The following TTC7B variants were observed in gnomAD, a reference collection of about 807,000 sequenced individuals.
TTC7B encodes the protein tetratricopeptide repeat protein 7B.
TTC7B carries 28 observed loss-of-function variants against 106.8 expected under a neutral mutation model. The ratio of observed to expected loss-of-function variants is 0.26; its 90% confidence interval spans 0.19 to 0.36. TTC7B has a LOEUF of 0.36. Ranked by LOEUF, TTC7B falls within the 10% of genes least tolerant of loss-of-function variation. The pLI is 1.00. For missense variants in TTC7B, 862 were observed against 1,076.4 expected, an observed-to-expected ratio of 0.80 and a Z score of 2.79; for synonymous variants, 405 against 430.6, an observed-to-expected ratio of 0.94 and a Z score of 0.74.
chr14:90,648,755 G>T (rs1341083847), intron 13 of TTC7B: 1 of 151,970 alleles, frequency 6.6e-6, no homozygotes, highest in Non-Finnish European at 1.5e-5. Flanking sequence ...ATTTTTCTTT[G>T]GTGTTTATAA....
intron 19 of TTC7B, among the ~76,000 whole-genome samples, chr14:90,543,688 G>A (rs565292266): frequency 1.5e-4 from 23 of 152,348 alleles, no homozygotes; most frequent in African/African-American, 5.5e-4. Context: ...TGGAGAGTGT[G>A]GAGAAGCCTG....
At position 90,602,951 on chromosome 14, in the gene TTC7B, C is replaced by T. The variant is rs140421648; in HGVS notation, c.1966+7791G>A. 3.6e-3 allele frequency among the ~76,000 whole-genome samples: 546 copies of T among 152,324 alleles called. 2 individuals are homozygous for T. Among genetic ancestry groups the T allele is most frequent in the African/African-American group, 0.012 (516 of 41,572 alleles). On this transcript the variant is annotated intron_variant, in intron 17 of 19. Coordinates refer to ENST00000328459, the MANE Select transcript of TTC7B (RefSeq NM_001010854.2). ...GGGCATCTCATGCTTCCAATCAGTG[C>T]CAGGAGTGCTTCTCACCACCCACTG...
intron 15 of TTC7B, among the ~76,000 whole-genome samples, chr14:90,618,619 G>GTT (rs1893184412): frequency 6.6e-6 from 1 of 152,206 alleles, no homozygotes; most frequent in African/African-American, 2.4e-5. Flanking sequence ...TCTCTCTTCT[G>GTT]TATTTTTGTT....
intron 5 of TTC7B, among the ~76,000 whole-genome samples, chr14:90,722,534 G>A (rs1285064459): frequency 3.3e-5 from 5 of 152,056 alleles, no homozygotes; most frequent in African/African-American, 9.7e-5. Flanking sequence ...TTCTGCCATC[G>A]GTCCTTCCAG....
Position 90,777,746 on chromosome 14 carries a change from C to A in TTC7B, c.445+2992G>T, listed in dbSNP as rs142673020. 3.1e-4 allele frequency among the ~76,000 whole-genome samples: 47 copies of A among 152,288 alleles called. 1 individual carries two copies. In the East Asian group the frequency reaches 8.9e-3, roughly 29 times the overall value. On this transcript the variant is annotated intron_variant, in intron 3 of 19. Transcript: ENST00000328459. ...TCCTACACAGAGCTAGGACTGAGGG[C>A]CTCTTGAACTCCTCAGAGAGCAGGC...
chr14:90,545,661 A>G (rs1256057562), intron 19 of TTC7B, among the ~76,000 whole-genome samples: 2 of 152,168 alleles, frequency 1.3e-5, no homozygotes, highest in Non-Finnish European at 2.9e-5. Flanking sequence ...TGGAGTGGGG[A>G]GAACCCACCA....
intron 3 of TTC7B, among the ~76,000 whole-genome samples, chr14:90,767,624 G>C (rs1029165277): frequency 4.6e-5 from 7 of 152,174 alleles, no homozygotes; most frequent in African/African-American, 1.7e-4. Flanking sequence ...GGCCTTCCTA[G>C]CCTCCAGGAA....
At chr14:90,741,418 G>T (rs1199414694) in intron 4 of TTC7B, among the ~76,000 whole-genome samples, 2 of 152,118 alleles carry the variant, frequency 1.3e-5, no homozygotes, top group Admixed American at 6.5e-5. Flanking sequence ...AGGCCCACAG[G>T]CCCCAGCGAG....
chr14:90,705,068 C>T (rs1742093), intron 5 of TTC7B, among the ~76,000 whole-genome samples: 110,407 of 152,070 alleles, frequency 0.73, 40,616 homozygotes, highest in African/African-American at 0.83. Flanking sequence ...CATTTACTAA[C>T]AAACCACTGA....
chr14:90,596,586 T>C (rs965676529), intron 17 of TTC7B, among the ~76,000 whole-genome samples: 4 of 152,208 alleles, frequency 2.6e-5, no homozygotes, highest in African/African-American at 9.6e-5. Context: ...CCAGCTCTGA[T>C]GCCACCTCCT....
chr14:90,542,488 C>G (rs1889644047), intron 19 of TTC7B, among the ~76,000 whole-genome samples: 1 of 152,170 alleles, frequency 6.6e-6, no homozygotes, highest in Admixed American at 6.5e-5. Context: ...CGTGTACTCG[C>G]TCATCCAATG....
At chr14:90,801,329 G>A (rs1172039436) in intron 1 of TTC7B, among the ~76,000 whole-genome samples, 3 of 151,780 alleles carry the variant, frequency 2.0e-5, no homozygotes, top group African/African-American at 4.8e-5. Flanking sequence ...GAAGGAACGC[G>A]AAACCACTGA....
chr14:90,554,675 A>G (rs1890228802), intron 19 of TTC7B, among the ~76,000 whole-genome samples: 1 of 152,204 alleles, frequency 6.6e-6, no homozygotes, highest in African/African-American at 2.4e-5. Flanking sequence ...TCATGTGTGT[A>G]GTCCCAGCAT....
chr14:90,726,039 G>A (rs976708405), intron 5 of TTC7B, among the ~76,000 whole-genome samples: 2 of 152,212 alleles, frequency 1.3e-5, no homozygotes, highest in Non-Finnish European at 2.9e-5. Flanking sequence ...CCAGGAGTTC[G>A]AGGCTGCAGT....
At chr14:90,776,262 A>G (rs990710804) in intron 3 of TTC7B, among the ~76,000 whole-genome samples, 1 of 152,078 alleles carries the variant, frequency 6.6e-6, no homozygotes, top group African/African-American at 2.4e-5. Flanking sequence ...AGCCTGCATC[A>G]GGAAAAAGCA....
At chr14:90,625,135 G>A (rs1253913560) in intron 15 of TTC7B, among the ~76,000 whole-genome samples, 1 of 152,228 alleles carries the variant, frequency 6.6e-6, no homozygotes, top group Non-Finnish European at 1.5e-5. Flanking sequence ...CAGGGGGCAA[G>A]TATGTTGAAA....
chr14:90,629,208 G>A (rs1463507517), intron 15 of TTC7B, among the ~76,000 whole-genome samples: 3 of 151,792 alleles, frequency 2.0e-5, no homozygotes, highest in South Asian at 2.1e-4. Flanking sequence ...TAAATTTGGA[G>A]ATTCTCTCAT....
intron 5 of TTC7B, among the ~76,000 whole-genome samples, chr14:90,729,815 C>A (rs887728597): frequency 6.6e-6 from 1 of 152,148 alleles, no homozygotes; most frequent in Non-Finnish European, 1.5e-5. Context: ...AGGCCCACCC[C>A]ACTGGTCTTG....
intron 5 of TTC7B, among the ~76,000 whole-genome samples, chr14:90,717,589 T>C (rs889911969): frequency 6.6e-6 from 1 of 152,294 alleles, no homozygotes; most frequent in Admixed American, 6.5e-5. Context: ...TCTCAGTCAT[T>C]TTCTGGGCTT....
Sources: allele counts gnomAD v4.1 joint callset (sites outside exome capture counted in the v4.1 genomes callset), GRCh38; gene constraint gnomAD v4.1.1; transcripts MANE v1.5; gene names NCBI Gene and HGNC (gene_info 2026-07-23, HGNC 2026-07-21).